The following SLTM variants were observed in gnomAD, a reference collection of about 807,000 sequenced individuals.
The protein encoded by SLTM is SAFB-like transcription modulator.
In SLTM, 43 loss-of-function variants were observed where a neutral mutation model predicts 134.6. The observed-to-expected ratio is 0.32, with a 90% CI of 0.25 to 0.41. The LOEUF is 0.41. Among genes scored for constraint, SLTM ranks in the 10% least tolerant of loss-of-function variants. The probability of loss-of-function intolerance (pLI) is 1.00; values close to 1 mark genes in which losing one functional copy is unlikely to be tolerated. For synonymous variants in SLTM, 424 were observed against 432.3 expected (o/e 0.98, Z 0.24); for missense variants, 1,055 against 1,288.8 (o/e 0.82, Z 2.78).
chr15:58,932,044 T>C (rs1453827221), intron 2 of SLTM: 3 of 196,486 alleles, frequency 1.5e-5, no homozygotes, highest in African/African-American at 2.3e-5. Context: ...TGGGGCAAGG[T>C]AGACATGTGT....
At chr15:58,915,556 G>A (rs1172999922) in intron 3 of SLTM, among the ~76,000 whole-genome samples, 1 of 152,136 alleles carries the variant, frequency 6.6e-6, no homozygotes. Context: ...TATAGTAAGG[G>A]TAACAGAATA....
At chr15:58,930,727 C>G (rs1567169059) in intron 2 of SLTM, among the ~76,000 whole-genome samples, 1 of 143,932 alleles carries the variant, frequency 6.9e-6, no homozygotes, top group African/African-American at 2.5e-5. Context: ...ATATATATAT[C>G]ATATATGATA....
chr15:58,897,064 A>C (rs1388698026), intron 9 of SLTM, 51 bp downstream of exon 9: 3 of 1,057,548 alleles, frequency 2.8e-6, no homozygotes, highest in Admixed American at 1.8e-5. Context: ...TACAATCCTC[A>C]TTTCAAATGC....
chr15:58,889,546 A>G lies in SLTM; in HGVS notation c.2088T>C (p.Arg696=). 1.2e-6 allele frequency: 2 copies of G among 1,613,954 alleles called. No individual in the cohort carries two copies. Among genetic ancestry groups the G allele is most frequent in the African/African-American group, 1.3e-5 (1 of 75,032 alleles). The change falls in exon 16 of 21, where the codon CGT becomes CGC. Residue 696 remains arginine, a synonymous_variant. Coordinates refer to ENST00000380516, the MANE Select transcript of SLTM (RefSeq NM_024755.4). ...CTCGAGCAATCCGTTCAGCTTCCTTACGACGTTCCTTCAGACAACACAGAA... is the reference window on the plus strand; with the variant it reads ...CTCGAGCAATCCGTTCAGCTTCCTTGCGACGTTCCTTCAGACAACACAGAA... ...RERIRIEQER[R]KEAERIARER...
At chr15:58,884,436 G>A (rs545958686) in intron 19 of SLTM, among the ~76,000 whole-genome samples, 5 of 151,720 alleles carry the variant, frequency 3.3e-5, no homozygotes, top group Admixed American at 6.6e-5. Context: ...CTCCTGCCTC[G>A]GCCTCCCAAG....
At chr15:58,929,527 T>C (rs1422141599) in intron 2 of SLTM, among the ~76,000 whole-genome samples, 1 of 152,238 alleles carries the variant, frequency 6.6e-6, no homozygotes, top group Non-Finnish European at 1.5e-5. Context: ...AATCTGTTCA[T>C]TATTGATATT....
At chr15:58,912,036 A>G (rs1436625435) in intron 5 of SLTM, among the ~76,000 whole-genome samples, 1 of 152,136 alleles carries the variant, frequency 6.6e-6, no homozygotes, top group African/African-American at 2.4e-5. Context: ...AAACTCTGAA[A>G]ATGACAGGAA....
intron 9 of SLTM, among the ~76,000 whole-genome samples, chr15:58,896,358 A>G (rs1172222430): frequency 6.6e-6 from 1 of 152,184 alleles, no homozygotes; most frequent in Admixed American, 6.5e-5. Context: ...CAGGAGTTTG[A>G]GATCAGCCTG....
chr15:58,906,509 T>C (rs1350974297), intron 5 of SLTM, among the ~76,000 whole-genome samples: 10 of 152,226 alleles, frequency 6.6e-5, no homozygotes, highest in Non-Finnish European at 4.4e-5. Flanking sequence ...CTAGGACTTA[T>C]TTTTCAGTGA....
intron 1 of SLTM, 103 bp downstream of exon 1, chr15:58,933,301 G>C: frequency 7.5e-7 from 1 of 1,327,848 alleles, no homozygotes; most frequent in Non-Finnish European, 1.0e-6. Context: ...CGTTCCGCAG[G>C]TCCCAGCGGC....
Position 58,899,893 on chromosome 15 carries a change from G to T in SLTM, c.634C>A (p.Leu212Ile). The T allele has an allele frequency of 6.2e-7, 1 of 1,613,834 alleles. No homozygotes were observed. The highest frequency in any genetic ancestry group is 1.7e-5 in the Admixed American group (1 of 59,986). ...TCAGCTAGGCTCCCTTCTGAAGGAA[G>T]AGGTTTAGATACTTCTTGTGTACCA... ...GDGTQEVSKP[L>I]PSEGSLAEAD... Residue 212 changes from leucine to isoleucine, a missense_variant, in exon 7 of 21, where the codon CTT becomes ATT. Physicochemically the swap from Leu to Ile is conservative, Grantham distance 5. This residue lies in a region of SLTM where 268 missense variants were observed against 284.3 expected (regional missense o/e 0.94). Transcript: ENST00000380516. The surrounding 1 kb of genome is among the most constrained non-coding windows in gnomAD (Gnocchi z 5.0).
At chr15:58,912,466 G>T in intron 5 of SLTM, 97 bp downstream of exon 5, 1 of 1,064,174 alleles carries the variant, frequency 9.4e-7, no homozygotes, top group East Asian at 2.4e-5. Flanking sequence ...ATTTAAGACA[G>T]TTATATGAAT....
intron 12 of SLTM, 35 bp downstream of exon 12, chr15:58,893,786 G>T (rs1421918119): frequency 6.4e-7 from 1 of 1,568,142 alleles, no homozygotes; most frequent in East Asian, 2.3e-5. Context: ...GTAGTAGAAT[G>T]CATTAGAAAG....
intron 6 of SLTM, 92 bp from the exon 7 acceptor site, chr15:58,900,029 G>T: frequency 3.2e-6 from 3 of 942,120 alleles, no homozygotes; most frequent in Non-Finnish European, 4.6e-6. Context: ...AAAATATAAA[G>T]CCAGTTATTA....
chr15:58,880,010 G>C lies in SLTM; in HGVS notation c.3094C>G (p.Arg1032Gly). The C allele has an allele frequency of 1.9e-6, 3 of 1,613,588 alleles. No individual in the cohort carries two copies. The highest frequency in any genetic ancestry group is 1.7e-6 in the Non-Finnish European group (2 of 1,179,750). ...CAGAGAGCTCATTTTCAGAATCGTC[G>C]CGGAGGTCCACCCTTAAATGGCTTA... Reference protein sequence around the residue: ...GFKPFKGGPPRRF With the variant: ...GFKPFKGGPPGRF Residue 1032 changes from arginine (R) to glycine (G), a missense_variant, in exon 21 of 21, where the codon CGA (arginine) becomes GGA (glycine). Transcript: ENST00000380516.
intron 2 of SLTM, among the ~76,000 whole-genome samples, chr15:58,929,252 AC>A (rs1457084701): frequency 6.6e-6 from 1 of 152,186 alleles, no homozygotes; most frequent in African/African-American, 2.4e-5. Context: ...GGAGTTCAAG[AC>A]AAGCCTGACC....
chr15:58,905,202 C>T (rs372888630), intron 5 of SLTM, among the ~76,000 whole-genome samples: 65 of 152,250 alleles, frequency 4.3e-4, no homozygotes, highest in Non-Finnish European at 8.1e-4. Context: ...ATTATGTGTC[C>T]AATTTGCAAT....
chr15:58,888,824 G>T, intron 16 of SLTM: 1 of 292,482 alleles, frequency 3.4e-6, no homozygotes, highest in Non-Finnish European at 6.3e-6. Flanking sequence ...TAGCATTCAG[G>T]AGAAATGATA....
At chr15:58,902,964 C>T (rs1369586572) in intron 5 of SLTM, among the ~76,000 whole-genome samples, 9 of 151,526 alleles carry the variant, frequency 5.9e-5, no homozygotes, top group African/African-American at 1.5e-4. Context: ...TGCAGTGGTG[C>T]GATCTTGGCT....
Sources: allele counts gnomAD v4.1 joint callset (sites outside exome capture counted in the v4.1 genomes callset), GRCh38; gene constraint gnomAD v4.1.1; regional missense constraint gnomAD v4.1.1; non-coding constraint Gnocchi (gnomAD v3.1); transcripts MANE v1.5; gene names NCBI Gene and HGNC (gene_info 2026-07-23, HGNC 2026-07-21).